The following SCEL variants were observed in gnomAD, a reference collection of about 807,000 sequenced individuals.
The protein encoded by SCEL is sciellin.
A neutral mutation model predicts 117.6 loss-of-function variants in SCEL; 113 were observed. The observed-to-expected ratio is 0.96, with a 90% CI of 0.83 to 1.12. The LOEUF (loss-of-function observed/expected upper bound fraction) is 1.12. Ranked by LOEUF, SCEL falls within the 50% of genes most tolerant of loss-of-function variation. The pLI, the probability that SCEL is intolerant of heterozygous loss-of-function variation, is 0.00. For missense variants in SCEL, 785 were observed against 810.8 expected (o/e 0.97, Z 0.39); for synonymous variants, 270 against 256.2 (o/e 1.05, Z -0.51).
intron 2 of SCEL, 79 bp from the exon 3 acceptor site, chr13:77,556,517 C>G: frequency 8.5e-7 from 1 of 1,179,790 alleles, no homozygotes; most frequent in South Asian, 1.2e-5. Context: ...AGATGTGCCT[C>G]TCAGGATTTT....
At chr13:77,623,980 A>T (rs549237630) in intron 27 of SCEL, among the ~76,000 whole-genome samples, 11 of 152,140 alleles carry the variant, frequency 7.2e-5, no homozygotes, top group Non-Finnish European at 1.5e-4. Context: ...TGGAGGGCAG[A>T]AGTCCAAGAT....
intron 1 of SCEL, among the ~76,000 whole-genome samples, chr13:77,541,412 A>C (rs2083694546): frequency 6.6e-6 from 1 of 152,212 alleles, no homozygotes; most frequent in African/African-American, 2.4e-5. Context: ...TTACGGAAAG[A>C]AACTCGACAA....
At position 77,560,265 on chromosome 13, in the gene SCEL, T is replaced by TAAAA. The variant is rs5804913; in HGVS notation, c.221+418_221+421dup. 5.6e-4 allele frequency among the ~76,000 whole-genome samples: 75 copies of TAAAA among 133,166 alleles called. 1 individual carries two copies. Among genetic ancestry groups the TAAAA allele is most frequent in the African/African-American group, 1.2e-3 (43 of 35,448 alleles). The allele number at this position is 133,166 out of a possible 152,430, so 87.4% of individuals were successfully genotyped here. A position where few individuals can be genotyped will look rare whatever the true frequency, so the allele number is the denominator to read the frequency against. On this transcript the variant is annotated intron_variant, in intron 4 of 32. Coordinates refer to ENST00000349847, the MANE Select transcript of SCEL (RefSeq NM_144777.3). The stretch of plus-strand genomic sequence containing the variant: ...GGGCAACATGGCCAGACCCTGCCTC[T>TAAAA]AAAAAAAAAAAAAAAAAAATTAATT...
At chr13:77,565,917 A>G (rs1389068511) in intron 5 of SCEL, among the ~76,000 whole-genome samples, 2 of 152,186 alleles carry the variant, frequency 1.3e-5, no homozygotes, top group Non-Finnish European at 2.9e-5. Context: ...TCATGCTGCT[A>G]ATTACATTGT....
intron 4 of SCEL, among the ~76,000 whole-genome samples, chr13:77,561,898 C>T (rs1194589122): frequency 1.3e-5 from 2 of 152,100 alleles, no homozygotes; most frequent in Non-Finnish European, 2.9e-5. Context: ...AGAAGCACTT[C>T]CAGCAGAGAT....
At chr13:77,618,251 G>A (rs61965802) in intron 27 of SCEL, among the ~76,000 whole-genome samples, 191 bp downstream of exon 27, 1 of 151,610 alleles carries the variant, frequency 6.6e-6, no homozygotes, top group Non-Finnish European at 1.5e-5. Context: ...CACAATCATA[G>A]CTCACTGCAG....
chr13:77,587,956 A>G (rs983238849), intron 9 of SCEL, among the ~76,000 whole-genome samples: 2 of 152,120 alleles, frequency 1.3e-5, no homozygotes, highest in African/African-American at 2.4e-5. Context: ...GGCTTACTCT[A>G]TTACTTCCTG....
intron 27 of SCEL, among the ~76,000 whole-genome samples, chr13:77,619,510 A>G (rs185232680): frequency 1.3e-5 from 2 of 152,320 alleles, no homozygotes; most frequent in Admixed American, 6.5e-5. Context: ...TCTTCTTTCC[A>G]TTCTTCATAT....
At chr13:77,536,010 G>A (rs753075383) in intron 1 of SCEL, among the ~76,000 whole-genome samples, 186 bp downstream of exon 1, 32 of 152,034 alleles carry the variant, frequency 2.1e-4, no homozygotes, top group Non-Finnish European at 3.7e-4. Flanking sequence ...AGGTCACATT[G>A]CATTGAACTT....
rs1315099869 is a variant in SCEL at position 77,618,006 on chromosome 13, A to G, written c.1574A>G (p.Gln525Arg). Reference protein sequence around the residue: ...NPAVIRNNQSQDLDNLIKVKP... With the variant: ...NPAVIRNNQSRDLDNLIKVKP... ...TTTTCTCTCTCTCTTTTAAACAGCC[A>G]AGACTTGGACAATCTTATTAAAGTG... Residue 525 changes from glutamine to arginine, a missense_variant and splice_region_variant, in exon 27 of 33, where the codon CAA (glutamine) becomes CGA (arginine). By Grantham distance (43) the Gln-to-Arg change is conservative (BLOSUM62 1). Coordinates refer to ENST00000349847, the MANE Select transcript of SCEL (RefSeq NM_144777.3). 3 of 1,613,400 alleles carry G rather than the reference A, an allele frequency of 1.9e-6. No homozygotes were observed. The highest frequency in any genetic ancestry group is 2.5e-6 in the Non-Finnish European group (3 of 1,179,510).
chr13:77,597,573 A>C lies in SCEL; in HGVS notation c.781A>C (p.Asn261His), dbSNP rs771792762. The change falls in exon 13 of 33, where the codon AAC (asparagine) becomes CAC (histidine). Residue 261 changes from asparagine (N) to histidine (H), a missense_variant. Transcript: ENST00000349847. ...GEELDNLIKM[N>H]KSLNRNQGLD... ...AGAATTGGATAATCTCATCAAAATG[A>C]ACAAAAGCTTGAATAGGTAAGATTT... 24 of 1,484,718 alleles carry C rather than the reference A, an allele frequency of 1.6e-5. No individual in the cohort carries two copies. In the Admixed American group the frequency reaches 5.0e-4, roughly 31 times the overall value. 92.0% of individuals were successfully genotyped at this position (1,484,718 alleles called of 1,614,324 possible).
At chr13:77,594,435 A>C (rs2154400584) in intron 12 of SCEL, among the ~76,000 whole-genome samples, 1 of 152,302 alleles carries the variant, frequency 6.6e-6, no homozygotes, top group South Asian at 2.1e-4. Context: ...TCCAGCCTCA[A>C]GCCACCATGC....
At chr13:77,603,469 G>GT (rs1245227641) in intron 18 of SCEL, among the ~76,000 whole-genome samples, 2 of 152,196 alleles carry the variant, frequency 1.3e-5, no homozygotes, top group African/African-American at 4.8e-5. Flanking sequence ...GTGGCCAAGA[G>GT]TGAGCCATCA....
chr13:77,616,187 G>A (rs900837904), intron 24 of SCEL, among the ~76,000 whole-genome samples: 10 of 151,886 alleles, frequency 6.6e-5, no homozygotes, highest in Non-Finnish European at 1.5e-4. Flanking sequence ...GAAAATGGAA[G>A]TTCTAGTGGA....
chr13:77,554,560 G>A (rs900775530), intron 1 of SCEL, among the ~76,000 whole-genome samples: 1 of 152,178 alleles, frequency 6.6e-6, no homozygotes, highest in Non-Finnish European at 1.5e-5. Flanking sequence ...TAGGAGGTGG[G>A]GGCTTTTAGA....
intron 20 of SCEL, among the ~76,000 whole-genome samples, chr13:77,608,374 C>T (rs948696988): frequency 3.3e-5 from 5 of 152,068 alleles, no homozygotes; most frequent in African/African-American, 4.8e-5. Context: ...CCAAGGTGGG[C>T]GGATTACTTG....
At chr13:77,556,924 G>A (rs564020909) in intron 3 of SCEL, among the ~76,000 whole-genome samples, 2 of 152,172 alleles carry the variant, frequency 1.3e-5, no homozygotes, top group Non-Finnish European at 2.9e-5. Context: ...ACATGCATAA[G>A]AGAGTGTGAG....
In SCEL at chr13:77,602,095, T is replaced by A; in HGVS notation, c.948T>A (p.Val316=). ...AAAGCCTTGGAAGTCCGATTAAAGT[T>A]AATCAAAGGACTGACAAAAATGAGA... is the stretch of plus-strand genomic sequence containing the variant. ...GIQSLGSPIK[V]NQRTDKNEKG... is the part of the protein sequence containing the mutation. Residue 316 remains valine (V), a synonymous_variant, in exon 16 of 33, where the codon GTT becomes GTA. Transcript: ENST00000349847. 6.2e-7 allele frequency: 1 copy of A among 1,611,734 alleles called. No homozygotes were observed. Among genetic ancestry groups the A allele is most frequent in the South Asian group, 1.1e-5 (1 of 90,676 alleles).
At chr13:77,593,295 T>TGTGTGCGC (rs796907419) in intron 11 of SCEL, among the ~76,000 whole-genome samples, 5,563 of 136,782 alleles carry the variant, frequency 0.041, 344 homozygotes, top group African/African-American at 0.12. Flanking sequence ...TGTGTGTGTG[T>TGTGTGCGC]GTCTGTGTGT....
Sources: gnomAD v4.1 joint callset for allele counts (sites outside exome capture counted in the v4.1 genomes callset) on GRCh38, gnomAD v4.1.1 for gene constraint, MANE v1.5 for transcripts, NCBI Gene and HGNC (gene_info 2026-07-23, HGNC 2026-07-21) for gene names.